Variants in RBM34 observed in about 807,000 individuals in gnomAD.
The protein encoded by RBM34 is RNA binding motif protein 34, also known as RNA-binding protein 34.
Under a neutral mutation model 44.6 loss-of-function variants are expected in RBM34, and 39 were observed. The observed-to-expected ratio is 0.87, with a 90% confidence interval of 0.68 to 1.14. The LOEUF (loss-of-function observed/expected upper bound fraction) is 1.14. RBM34 is among the 50% of genes most tolerant of loss of function. The probability of loss-of-function intolerance (pLI) is 0.00; values close to 1 mark genes in which losing one functional copy is unlikely to be tolerated. For missense variants in RBM34, 572 were observed against 517.9 expected, an observed-to-expected ratio of 1.10 and a Z score of -1.01; for synonymous variants, 194 against 184.0, an observed-to-expected ratio of 1.05 and a Z score of -0.44.
intron 3 of RBM34, 151 bp downstream of exon 3, chr1:235,160,360 C>A (rs1405354443): frequency 9.6e-7 from 1 of 1,037,006 alleles, no homozygotes; most frequent in Non-Finnish European, 1.5e-6. Context: ...GTTTCTTAGC[C>A]TTTTCAACTT....
rs1306709546 is a variant in RBM34 at position 235,161,077 on chromosome 1, G to A, written c.54-10C>T. On this transcript the variant is annotated splice_polypyrimidine_tract_variant and intron_variant, in intron 1 of 10. Coordinates refer to ENST00000408888, the MANE Select transcript of RBM34 (RefSeq NM_015014.4). ...GTCGTCAGGATTCTCTCTAGAAATG[G>A]ACGACAGAAACTCAGCCACGCCACG... 1.2e-6 allele frequency: 2 copies of A among 1,610,522 alleles called. No homozygotes were observed. The highest frequency in any genetic ancestry group is 1.7e-6 in the Non-Finnish European group (2 of 1,177,002).
Position 235,139,156 on chromosome 1 carries a change from A to G in RBM34, c.702-982T>C, listed in dbSNP as rs146601802. ...AATTTGGATGTGAGGAGTTAGCAAA[A>G]AGGACCTAGTAATGAACACAGATCT... On this transcript the variant is annotated intron_variant, in intron 6 of 10. Coordinates refer to ENST00000408888, the MANE Select transcript of RBM34 (RefSeq NM_015014.4). 5.4e-3 allele frequency among the ~76,000 whole-genome samples: 825 copies of G among 152,290 alleles called. 10 individuals carry two copies. Among genetic ancestry groups the G allele is most frequent in the African/African-American group, 0.019 (780 of 41,552 alleles).
chr1:235,150,114 G>T (rs1389479084), intron 5 of RBM34, among the ~76,000 whole-genome samples: 2 of 152,084 alleles, frequency 1.3e-5, no homozygotes, highest in African/African-American at 4.8e-5. Flanking sequence ...TCGCTTTGTC[G>T]CCCAGGCTGG....
chr1:235,152,741 A>G lies in RBM34; in HGVS notation c.622T>C (p.Tyr208His). ...AATCGTACAGATTCTATTTGTCCAT[A>G]CTCTTTAAAAAACGACTTCAGCTTC... is the stretch of plus-strand genomic sequence containing the variant. The part of the protein sequence containing the change: ...KKKLKSFFKE[Y>H]GQIESVRFRS... Residue 208 changes from tyrosine to histidine, a missense_variant, in exon 5 of 11, where the codon TAT (tyrosine) becomes CAT (histidine). By Grantham distance (83) the Tyr-to-His change is moderately conservative. Transcript: ENST00000408888. 2 of 1,591,990 alleles carry G rather than the reference A, an allele frequency of 1.3e-6. No homozygotes were observed. Among genetic ancestry groups the G allele is most frequent in the Non-Finnish European group, 1.7e-6 (2 of 1,171,014 alleles).
rs749668732 is a variant in RBM34, at chr1:235,131,858, G to GTA, written c.1147_1148insTA (p.Pro383LeufsTer71). ...GGAAGTAAAATTAAGTCCCTGCTTA[G>GTA]GTTTACTGACATTCTTCAATCGTGG... is the stretch of plus-strand genomic sequence containing the variant. On this transcript the variant is annotated frameshift_variant, in exon 11 of 11. Coordinates refer to ENST00000408888, the MANE Select transcript of RBM34 (RefSeq NM_015014.4). LOFTEE classifies it high-confidence loss of function. 1.2e-6 allele frequency: 2 copies of GTA among 1,614,026 alleles called. No homozygotes were observed. The highest frequency in any genetic ancestry group is 4.5e-5 in the East Asian group (2 of 44,866).
intron 4 of RBM34, among the ~76,000 whole-genome samples, chr1:235,153,262 CA>C (rs35089184): frequency 1.7e-3 from 219 of 129,596 alleles, no homozygotes; most frequent in Admixed American, 1.6e-3. Flanking sequence ...GACTCTGTCT[CA>C]AAAAAAAAAA....
intron 5 of RBM34, among the ~76,000 whole-genome samples, chr1:235,151,462 T>C (rs1054595929): frequency 1.3e-5 from 2 of 152,224 alleles, no homozygotes; most frequent in African/African-American, 4.8e-5. Flanking sequence ...ACAGAAATTA[T>C]GGGCACTGTC....
rs560857662 is a variant in RBM34, at chr1:235,158,892, A to G, written c.365+1619T>C. ...TAGCACTTGGGGAGACGGAGGTAGG[A>G]GGATGGTTTGAGCCCAGGAGTTCAG... On this transcript the variant is annotated intron_variant, in intron 3 of 10. Coordinates refer to ENST00000408888, the MANE Select transcript of RBM34 (RefSeq NM_015014.4). 2.7e-5 allele frequency among the ~76,000 whole-genome samples: 4 copies of G among 150,622 alleles called. No individual in the cohort carries two copies. The South Asian group carries it at 8.4e-4, about 32-fold the overall frequency.
chr1:235,145,615 G>A (rs1243955718), intron 6 of RBM34, among the ~76,000 whole-genome samples: 3 of 152,022 alleles, frequency 2.0e-5, no homozygotes, highest in Non-Finnish European at 4.4e-5. Context: ...CTTTACTGTT[G>A]GTAAAGATGT....
intron 6 of RBM34, among the ~76,000 whole-genome samples, chr1:235,139,949 G>T (rs1478902588): frequency 6.6e-6 from 1 of 152,250 alleles, no homozygotes; most frequent in African/African-American, 2.4e-5. Flanking sequence ...AGTCCTGGAA[G>T]CTGCCGAGGC....
Position 235,160,588 on chromosome 1 carries a change from T to C in RBM34, c.288A>G (p.Arg96=). Residue 96 remains arginine (R), a synonymous_variant, in exon 3 of 11, where the codon AGA becomes AGG. Coordinates refer to ENST00000408888, the MANE Select transcript of RBM34 (RefSeq NM_015014.4). The part of the protein sequence containing the change: ...EEEESTSQIE[R]PLSQEPAKKV... ...TTTTGGCAGGTTCTTGCGAAAGTGG[T>C]CTTTCAATCTGGGATGTACTTTCTT... The C allele has an allele frequency of 6.2e-7, 1 of 1,614,014 alleles. No homozygotes were observed. The highest frequency in any genetic ancestry group is 1.6e-4 in the Middle Eastern group (1 of 6,062).
At chr1:235,135,179 G>A (rs1410229788) in intron 10 of RBM34, among the ~76,000 whole-genome samples, 1 of 143,308 alleles carries the variant, frequency 7.0e-6, no homozygotes, top group African/African-American at 2.7e-5. Context: ...CAAGTAGCTG[G>A]GATTACAGGT....
At chr1:235,157,234 G>A (rs1662487260) in intron 3 of RBM34, among the ~76,000 whole-genome samples, 1 of 152,192 alleles carries the variant, frequency 6.6e-6, no homozygotes, top group South Asian at 2.1e-4. Flanking sequence ...AGACCAGTAA[G>A]GAGATGGTTA....
At chr1:235,160,037 T>C (rs530097657) in intron 3 of RBM34, 1 of 242,192 alleles carries the variant, frequency 4.1e-6, no homozygotes, top group African/African-American at 2.2e-5. Flanking sequence ...GCAGATCGCT[T>C]GAGGTCAGGA....
At chr1:235,132,599 G>A (rs976448454) in intron 10 of RBM34, among the ~76,000 whole-genome samples, 4 of 152,052 alleles carry the variant, frequency 2.6e-5, no homozygotes, top group East Asian at 3.9e-4. Context: ...GAGCCACCGC[G>A]CCTGGCCCCC....
intron 3 of RBM34, among the ~76,000 whole-genome samples, chr1:235,158,777 A>C (rs1450212789): frequency 6.6e-6 from 1 of 152,102 alleles, no homozygotes; most frequent in African/African-American, 2.4e-5. Context: ...AGCTAGGTAC[A>C]CGTGATGGGA....
Position 235,159,592 on chromosome 1 carries a change from A to G in RBM34, c.365+919T>C, listed in dbSNP as rs1392953845. On this transcript the variant is annotated intron_variant, in intron 3 of 10. Coordinates refer to ENST00000408888, the MANE Select transcript of RBM34 (RefSeq NM_015014.4). Reference sequence around the variant, plus strand: ...TTTTTTTTAAAAAGCAAACCAGGCCAGGTGCAGTGGCTCATGCCTATAATC... The same window carrying G: ...TTTTTTTTAAAAAGCAAACCAGGCCGGGTGCAGTGGCTCATGCCTATAATC... 2.0e-5 allele frequency among the ~76,000 whole-genome samples: 3 copies of G among 151,558 alleles called. No individual in the cohort carries two copies. In the East Asian group the frequency reaches 5.8e-4, roughly 29 times the overall value.
intron 4 of RBM34, among the ~76,000 whole-genome samples, 173 bp downstream of exon 4, chr1:235,154,707 CA>C (rs1195260460): frequency 6.6e-6 from 1 of 152,130 alleles, no homozygotes; most frequent in African/African-American, 2.4e-5. Flanking sequence ...CCTGAATTGG[CA>C]GGGACTACAG....
At chr1:235,132,193 C>T (rs1458565437) in intron 10 of RBM34, among the ~76,000 whole-genome samples, 196 bp from the exon 11 acceptor site, 1 of 152,160 alleles carries the variant, frequency 6.6e-6, no homozygotes, top group African/African-American at 2.4e-5. Flanking sequence ...TCAGAAAGCA[C>T]TCAAGCTGCC....
Sources: gnomAD v4.1 joint callset for allele counts (sites outside exome capture counted in the v4.1 genomes callset) on GRCh38, gnomAD v4.1.1 for gene constraint, MANE v1.5 for transcripts, NCBI Gene and HGNC (gene_info 2026-07-23, HGNC 2026-07-21) for gene names.